Variants in ANKS1B observed in about 807,000 individuals in gnomAD.
ANKS1B encodes ankyrin repeat and sterile alpha motif domain containing 1B.
Under a neutral mutation model 148.3 loss-of-function variants are expected in ANKS1B, and 36 were observed. The ratio of observed to expected loss-of-function variants is 0.24; its 90% CI spans 0.19 to 0.32. The LOEUF (loss-of-function observed/expected upper bound fraction) is 0.32, where lower values mean the gene tolerates loss of function less well. Among genes scored for constraint, ANKS1B ranks in the 10% least tolerant of loss-of-function variants. The probability of loss-of-function intolerance (pLI) is 1.00; values close to 1 mark genes in which losing one functional copy is unlikely to be tolerated. For synonymous variants in ANKS1B, 542 were observed against 560.8 expected (o/e 0.97, Z 0.47); for missense variants, 1,157 against 1,542.6 (o/e 0.75, Z 4.19).
At chr12:99,422,730 A>G (rs546067165) in intron 11 of ANKS1B, among the ~76,000 whole-genome samples, 1 of 152,188 alleles carries the variant, frequency 6.6e-6, no homozygotes, top group African/African-American at 2.4e-5. Flanking sequence ...AATCGAATAA[A>G]ATTTGCATAG....
At chr12:99,876,381 T>A (rs745992422) in intron 1 of ANKS1B, among the ~76,000 whole-genome samples, 2 of 152,012 alleles carry the variant, frequency 1.3e-5, no homozygotes, top group Non-Finnish European at 1.5e-5. Flanking sequence ...CCAAATCATA[T>A]AAAATGAGTA....
intron 17 of ANKS1B, among the ~76,000 whole-genome samples, chr12:98,936,027 C>G (rs1172949182): frequency 6.6e-6 from 1 of 152,134 alleles, no homozygotes. Context: ...TCCTAAAATG[C>G]CTTCTGCATG....
chr12:99,159,961 C>T (rs1284246439), intron 14 of ANKS1B, among the ~76,000 whole-genome samples: 2 of 152,150 alleles, frequency 1.3e-5, no homozygotes, highest in Non-Finnish European at 2.9e-5. Context: ...TTGATTTGCA[C>T]TTCTCCGATG....
intron 15 of ANKS1B, among the ~76,000 whole-genome samples, chr12:99,126,599 C>G (rs1397260570): frequency 6.6e-6 from 1 of 152,046 alleles, no homozygotes; most frequent in Non-Finnish European, 1.5e-5. Flanking sequence ...ATCCTTGTAT[C>G]CTGTCACAAA....
intron 25 of ANKS1B, among the ~76,000 whole-genome samples, chr12:98,759,497 G>A (rs1473076128): frequency 6.6e-6 from 1 of 152,088 alleles, no homozygotes; most frequent in Non-Finnish European, 1.5e-5. Flanking sequence ...CATATTCATC[G>A]GTCTAGTATG....
chr12:99,045,236 T>C (rs1230592605), intron 17 of ANKS1B, among the ~76,000 whole-genome samples: 2 of 152,230 alleles, frequency 1.3e-5, no homozygotes, highest in Non-Finnish European at 2.9e-5. Flanking sequence ...ATTCAGTAGA[T>C]ACCCTCAGGT....
intron 17 of ANKS1B, among the ~76,000 whole-genome samples, chr12:99,032,476 T>C (rs2153464471): frequency 6.6e-6 from 1 of 152,288 alleles, no homozygotes; most frequent in Non-Finnish European, 1.5e-5. Flanking sequence ...CCAATCTTCG[T>C]CTTGTCTTTA....
intron 5 of ANKS1B, among the ~76,000 whole-genome samples, chr12:99,781,230 G>A (rs1404067235): frequency 6.6e-6 from 1 of 152,024 alleles, no homozygotes; most frequent in Non-Finnish European, 1.5e-5. Context: ...GCATGACAAA[G>A]TTAAATATAA....
chr12:99,479,072 AG>A (rs1236439538), intron 10 of ANKS1B, among the ~76,000 whole-genome samples: 1 of 152,058 alleles, frequency 6.6e-6, no homozygotes, highest in African/African-American at 2.4e-5. Flanking sequence ...TTATACTTTT[AG>A]CACATGTCAA....
intron 12 of ANKS1B, among the ~76,000 whole-genome samples, chr12:99,390,019 T>C (rs1230143920): frequency 5.3e-5 from 8 of 152,160 alleles, no homozygotes; most frequent in African/African-American, 1.9e-4. Flanking sequence ...AATTTAAGAC[T>C]CTGGTGCCTG....
At chr12:99,798,794 G>A (rs2153653976) in intron 4 of ANKS1B, among the ~76,000 whole-genome samples, 1 of 152,134 alleles carries the variant, frequency 6.6e-6, no homozygotes, top group Non-Finnish European at 1.5e-5. Context: ...TCAAGTCTTG[G>A]TCTTTACTCA....
intron 12 of ANKS1B, among the ~76,000 whole-genome samples, chr12:99,394,226 A>C (rs2094169207): frequency 6.6e-6 from 1 of 152,154 alleles, no homozygotes; most frequent in African/African-American, 2.4e-5. Context: ...GAAAAACTGA[A>C]AACTATCAGA....
intron 1 of ANKS1B, among the ~76,000 whole-genome samples, chr12:99,935,551 A>C (rs2094743934): frequency 6.6e-6 from 1 of 151,938 alleles, no homozygotes; most frequent in South Asian, 2.1e-4. Context: ...TTGCTGACAT[A>C]ATTCATTTCC....
intron 9 of ANKS1B, among the ~76,000 whole-genome samples, chr12:99,554,699 G>A (rs1042268968): frequency 2.0e-5 from 3 of 152,040 alleles, no homozygotes; most frequent in Non-Finnish European, 4.4e-5. Flanking sequence ...ATTTGTTTTT[G>A]TTAACTTTTA....
At position 98,781,313 on chromosome 12, in the gene ANKS1B, A is replaced by AACAC. The variant is rs59308427; in HGVS notation, c.3355-114_3355-111dup. On this transcript the variant is annotated intron_variant, in intron 23 of 26. Transcript: ENST00000683438. ...ATGAGCTCAAATTAAAAACAACAACAACACACACACACACACACACACACA... is the reference window on the plus strand; with the variant it reads ...ATGAGCTCAAATTAAAAACAACAACAACACACACACACACACACACACACACACA... 4.3e-3 allele frequency: 2,641 copies of AACAC among 613,892 alleles called. 28 individuals are homozygous for AACAC. Among genetic ancestry groups the AACAC allele is most frequent in the African/African-American group, 0.034 (1,825 of 54,452 alleles). 38.0% of individuals were successfully genotyped at this position (613,892 alleles called of 1,614,324 possible).
intron 8 of ANKS1B, among the ~76,000 whole-genome samples, chr12:99,677,301 A>G (rs1043007589): frequency 5.3e-5 from 8 of 152,146 alleles, no homozygotes; most frequent in African/African-American, 1.7e-4. Flanking sequence ...AGATCTTAAA[A>G]GCAGTACCAC....
intron 9 of ANKS1B, among the ~76,000 whole-genome samples, chr12:99,639,180 T>G (rs762299616): frequency 1.3e-5 from 2 of 152,266 alleles, no homozygotes; most frequent in Non-Finnish European, 2.9e-5. Context: ...TTTTAGAACT[T>G]AAAGGTTTAA....
chr12:99,181,792 CAA>C (rs1362375343), intron 14 of ANKS1B, among the ~76,000 whole-genome samples: 1 of 151,852 alleles, frequency 6.6e-6, no homozygotes, highest in Non-Finnish European at 1.5e-5. Flanking sequence ...CTTTGTGTTA[CAA>C]ACAGTCCAAG....
At position 98,764,691 on chromosome 12, in the gene ANKS1B, C is replaced by A. The variant is rs1436034671; in HGVS notation, c.3579+8351G>T. Among the ~76,000 whole-genome samples the A allele has an allele frequency of 2.0e-5, 3 of 152,312 alleles. No homozygotes were observed. The South Asian group carries it at 6.2e-4, about 32-fold the overall frequency. On this transcript the variant is annotated intron_variant, in intron 25 of 26. Transcript: ENST00000683438. ...GCTTTTCCTTTACTTATTGCAGATG[C>A]CTACCTGATACCCTGAGTTCACTAT...
Sources: gnomAD v4.1 joint callset for allele counts (sites outside exome capture counted in the v4.1 genomes callset) on GRCh38, gnomAD v4.1.1 for gene constraint, MANE v1.5 for transcripts, NCBI Gene and HGNC (gene_info 2026-07-23, HGNC 2026-07-21) for gene names.